Variants in SLC49A4 observed in about 807,000 individuals in gnomAD.
SLC49A4 encodes the protein solute carrier family 49 member 4, also known as disrupted in renal cancer protein 2.
SLC49A4 carries 36 observed loss-of-function variants against 50.6 expected under a neutral mutation model. That is an observed-to-expected ratio of 0.71 (90% CI 0.55 to 0.94). The LOEUF (loss-of-function observed/expected upper bound fraction) is 0.94. Among genes scored for constraint, SLC49A4 ranks in the 40% least tolerant of loss-of-function variants. The pLI, the probability that SLC49A4 is intolerant of heterozygous loss-of-function variation, is 0.00. For missense variants in SLC49A4, 503 were observed against 605.7 expected, an observed-to-expected ratio of 0.83 and a Z score of 1.78; for synonymous variants, 248 against 241.2, an observed-to-expected ratio of 1.03 and a Z score of -0.26.
intron 2 of SLC49A4, 71 bp downstream of exon 2, chr3:122,807,021 G>A (rs1330343276): frequency 1.2e-6 from 1 of 854,534 alleles, no homozygotes; most frequent in Non-Finnish European, 1.9e-6. Flanking sequence ...AAGAAGATCA[G>A]TAAAGGGTCA....
chr3:122,838,062 G>A (rs964751323), intron 4 of SLC49A4, among the ~76,000 whole-genome samples: 3 of 151,310 alleles, frequency 2.0e-5, no homozygotes, highest in African/African-American at 2.4e-5. Context: ...GAAACAACAG[G>A]TGCTGGAGAG....
chr3:122,838,586 T>G (rs995977836), intron 4 of SLC49A4, among the ~76,000 whole-genome samples: 2 of 150,096 alleles, frequency 1.3e-5, no homozygotes, highest in East Asian at 2.0e-4. Context: ...AGGATAGCAT[T>G]AGGAGATATA....
chr3:122,818,496 T>C (rs771548168), intron 2 of SLC49A4, among the ~76,000 whole-genome samples: 4 of 152,176 alleles, frequency 2.6e-5, no homozygotes, highest in Non-Finnish European at 4.4e-5. Context: ...TGTATTAATA[T>C]ATACTCTTAA....
At chr3:122,822,763 G>A (rs917012568) in intron 2 of SLC49A4, among the ~76,000 whole-genome samples, 1 of 151,776 alleles carries the variant, frequency 6.6e-6, no homozygotes, top group African/African-American at 2.4e-5. Flanking sequence ...TTTTTAAAAT[G>A]TTGTTATTCT....
intron 5 of SLC49A4, among the ~76,000 whole-genome samples, chr3:122,854,034 C>T (rs1936955930): frequency 6.6e-6 from 1 of 152,160 alleles, no homozygotes; most frequent in Non-Finnish European, 1.5e-5. Flanking sequence ...AGCATCAGTA[C>T]AGCCAGATAT....
Position 122,813,216 on chromosome 3 carries a change from G to C in SLC49A4, c.437+6266G>C, listed in dbSNP as rs2107559855. Among the ~76,000 whole-genome samples the C allele has an allele frequency of 2.0e-5, 3 of 150,922 alleles. No individual in the cohort carries two copies. The South Asian group carries it at 6.3e-4, about 32-fold the overall frequency. On this transcript the variant is annotated intron_variant, in intron 2 of 8. Coordinates refer to ENST00000261038, the MANE Select transcript of SLC49A4 (RefSeq NM_032839.3). ...AGATTGCACCACTGCACTCTACCCT[G>C]GGCGATAGAGCGAGACTCTGTCTCA...
chr3:122,817,728 G>T (rs1187748230), intron 2 of SLC49A4, among the ~76,000 whole-genome samples: 12 of 144,128 alleles, frequency 8.3e-5, no homozygotes, highest in Admixed American at 7.0e-4. Context: ...CTACAGGCAT[G>T]TGCCACCACA....
intron 7 of SLC49A4, among the ~76,000 whole-genome samples, chr3:122,870,667 G>T (rs1399594319): frequency 6.6e-6 from 1 of 151,242 alleles, no homozygotes; most frequent in African/African-American, 2.4e-5. Flanking sequence ...AAAAAATTTA[G>T]CTTGGCATGG....
chr3:122,860,097 A>T lies in SLC49A4; in HGVS notation c.1033A>T (p.Met345Leu), dbSNP rs771133683. 1.2e-6 allele frequency: 2 copies of T among 1,611,544 alleles called. No homozygotes were observed. The highest frequency in any genetic ancestry group is 3.3e-4 in the Middle Eastern group (2 of 6,070). The part of the protein sequence containing the change: ...MARFADFIRG[M>L]LKLILLLLFS... ...TAGGTTTGCAGATTTTATCAGGGGT[A>T]TGCTGAAACTAATTCTTCTCCTCCT... is the stretch of plus-strand genomic sequence containing the variant. Residue 345 changes from methionine to leucine, a missense_variant, in exon 7 of 9, where the codon ATG becomes TTG. Transcript: ENST00000261038.
intron 2 of SLC49A4, among the ~76,000 whole-genome samples, chr3:122,811,659 A>G (rs1936302128): frequency 6.6e-6 from 1 of 152,376 alleles, no homozygotes; most frequent in South Asian, 2.1e-4. Flanking sequence ...GGCTGGATGT[A>G]ACCCAGATGC....
At chr3:122,841,950 T>A (rs540484684) in intron 4 of SLC49A4, among the ~76,000 whole-genome samples, 44 of 141,604 alleles carry the variant, frequency 3.1e-4, no homozygotes, top group African/African-American at 1.3e-3. Flanking sequence ...GTAAAAAAAA[T>A]GTTAGGTTGA....
intron 2 of SLC49A4, among the ~76,000 whole-genome samples, chr3:122,814,912 G>A (rs2107560547): frequency 6.6e-6 from 1 of 152,160 alleles, no homozygotes; most frequent in South Asian, 2.1e-4. Flanking sequence ...GACACCCCTG[G>A]TCTAAACAAT....
At chr3:122,804,854 G>A (rs1936191875) in intron 1 of SLC49A4, among the ~76,000 whole-genome samples, 1 of 152,166 alleles carries the variant, frequency 6.6e-6, no homozygotes, top group African/African-American at 2.4e-5. Context: ...CTGTTGTATT[G>A]TTAAATATTT....
At chr3:122,867,159 A>G (rs533774571) in intron 7 of SLC49A4, among the ~76,000 whole-genome samples, 2 of 152,300 alleles carry the variant, frequency 1.3e-5, no homozygotes, top group South Asian at 4.1e-4. Flanking sequence ...AATGTGATTA[A>G]AATTCATCTT....
chr3:122,857,843 G>A (rs1320603181), intron 6 of SLC49A4, among the ~76,000 whole-genome samples: 3 of 152,062 alleles, frequency 2.0e-5, no homozygotes, highest in Admixed American at 6.5e-5. Flanking sequence ...GAACAATTAT[G>A]TATCAAAAAT....
In SLC49A4 at chr3:122,856,336, C is replaced by G. The variant is rs1936989023; in HGVS notation, c.972C>G (p.Ser324=). The change falls in exon 6 of 9, where the codon TCC becomes TCG. Residue 324 remains serine, a synonymous_variant. Coordinates refer to ENST00000261038, the MANE Select transcript of SLC49A4 (RefSeq NM_032839.3). ...QVDAGWIGFW[S]IVGGCVVGIA... ...ATGCTGGCTGGATTGGATTTTGGTCCATAGTTGGAGGCTGTGTTGTTGGAA... is the reference window on the plus strand; with the variant it reads ...ATGCTGGCTGGATTGGATTTTGGTCGATAGTTGGAGGCTGTGTTGTTGGAA... 1 of 1,613,800 alleles carries G rather than the reference C, an allele frequency of 6.2e-7. No individual in the cohort carries two copies. Among genetic ancestry groups the G allele is most frequent in the African/African-American group, 1.3e-5 (1 of 74,932 alleles).
At position 122,826,934 on chromosome 3, in the gene SLC49A4, A is replaced by G. The variant is rs1251730603; in HGVS notation, c.572A>G (p.Tyr191Cys). 1 of 1,614,246 alleles carries G rather than the reference A, an allele frequency of 6.2e-7. No homozygotes were observed. ...ACAGCTATTGCATCAATGCTCAGTT[A>G]TCTTGGGGGAGCATGTGCATTTTTA... is the stretch of plus-strand genomic sequence containing the variant. The part of the protein sequence containing the change: ...TATAIASMLS[Y>C]LGGACAFLVG... Residue 191 changes from tyrosine to cysteine, a missense_variant, in exon 3 of 9, where the codon TAT (tyrosine) becomes TGT (cysteine). Tyr to Cys is a radical substitution (Grantham distance 194). Coordinates refer to ENST00000261038, the MANE Select transcript of SLC49A4 (RefSeq NM_032839.3).
chr3:122,801,936 C>T (rs1936139821), intron 1 of SLC49A4, among the ~76,000 whole-genome samples: 1 of 152,164 alleles, frequency 6.6e-6, no homozygotes, highest in Non-Finnish European at 1.5e-5. Flanking sequence ...AAAGGCTGTT[C>T]TGGCCATGAT....
chr3:122,866,169 A>G (rs939837622), intron 7 of SLC49A4, among the ~76,000 whole-genome samples: 3 of 148,440 alleles, frequency 2.0e-5, no homozygotes, highest in African/African-American at 7.4e-5. Flanking sequence ...GTTACTGACT[A>G]TGGCGTGTGC....
Sources: allele counts gnomAD v4.1 joint callset (sites outside exome capture counted in the v4.1 genomes callset), GRCh38; gene constraint gnomAD v4.1.1; transcripts MANE v1.5; gene names NCBI Gene and HGNC (gene_info 2026-07-23, HGNC 2026-07-21).